Variants in ASXL2 observed in about 807,000 individuals in gnomAD.
ASXL2 encodes putative Polycomb group protein ASXL2.
A neutral mutation model predicts 122.0 loss-of-function variants in ASXL2; 23 were observed. The observed-to-expected ratio is 0.19, with a 90% CI of 0.14 to 0.27. The LOEUF is 0.27. Ranked by LOEUF, ASXL2 falls within the 10% of genes least tolerant of loss-of-function variation. The pLI, the probability that ASXL2 is intolerant of heterozygous loss-of-function variation, is 1.00. For missense variants in ASXL2, 1,518 were observed against 1,713.8 expected, an observed-to-expected ratio of 0.89 and a Z score of 2.02; for synonymous variants, 650 against 637.0, an observed-to-expected ratio of 1.02 and a Z score of -0.31.
intron 1 of ASXL2, among the ~76,000 whole-genome samples, chr2:25,867,520 A>G (rs769144562): frequency 1.3e-5 from 2 of 152,192 alleles, no homozygotes; most frequent in Non-Finnish European, 2.9e-5. Flanking sequence ...ATGCAATGAG[A>G]AAAATGTGAA....
chr2:25,762,483 T>G (rs2088271056), intron 8 of ASXL2, among the ~76,000 whole-genome samples: 1 of 151,572 alleles, frequency 6.6e-6, no homozygotes, highest in Non-Finnish European at 1.5e-5. Context: ...CTGGCCAACA[T>G]GGTGAAAACC....
intron 2 of ASXL2, among the ~76,000 whole-genome samples, chr2:25,842,370 G>A (rs944932802): frequency 1.3e-5 from 2 of 152,092 alleles, no homozygotes; most frequent in South Asian, 2.1e-4. Flanking sequence ...ACTTTCAATT[G>A]TCACTATGTA....
Position 25,749,713 on chromosome 2 carries a change from T to A in ASXL2, c.1843A>T (p.Lys615Ter). 1 of 1,523,610 alleles carries A rather than the reference T, an allele frequency of 6.6e-7. No individual in the cohort carries two copies. Among genetic ancestry groups the A allele is most frequent in the Non-Finnish European group, 8.8e-7 (1 of 1,139,156 alleles). The allele number at this position is 1,523,610 out of a possible 1,614,324, so 94.4% of individuals were successfully genotyped here. A position where few individuals can be genotyped will look rare whatever the true frequency, so the allele number is the denominator to read the frequency against. The change falls in exon 12 of 13, where the codon AAA (lysine) becomes TAA (stop). Residue 615 changes from lysine to a stop codon, truncating the protein, a stop_gained. Transcript: ENST00000435504. LOFTEE classifies it high-confidence loss of function. Reference sequence around the variant, plus strand: ...TCTCTTACCTTGAGAGGTGGTACTTTTCGCACCTGGATTCTGTCCCCTCTA... The same window carrying A: ...TCTCTTACCTTGAGAGGTGGTACTTATCGCACCTGGATTCTGTCCCCTCTA... ...LNRGDRIQVR[K>*]VPPLKIPVSR... is the part of the protein sequence containing the mutation.
intron 5 of ASXL2, 149 bp downstream of exon 5, chr2:25,799,236 A>G (rs1574422363): frequency 1.9e-6 from 2 of 1,025,754 alleles, no homozygotes; most frequent in East Asian, 2.4e-5. Context: ...AAACATCTCC[A>G]TCATTGCAGA....
chr2:25,866,108 A>T (rs1486097173), intron 1 of ASXL2, among the ~76,000 whole-genome samples: 1 of 151,862 alleles, frequency 6.6e-6, no homozygotes, highest in Admixed American at 6.6e-5. Flanking sequence ...TTGTCATTAA[A>T]GCTTAAGACT....
intron 3 of ASXL2, chr2:25,822,968 T>C (rs1320529358): frequency 3.9e-6 from 2 of 506,990 alleles, no homozygotes; most frequent in Non-Finnish European, 7.8e-6. Context: ...TGTCATCACC[T>C]GGATTTTGGG....
At chr2:25,812,821 TCAA>T (rs980170632) in intron 3 of ASXL2, among the ~76,000 whole-genome samples, 18 of 152,208 alleles carry the variant, frequency 1.2e-4, no homozygotes, top group African/African-American at 4.1e-4. Context: ...AGGATAGAAA[TCAA>T]CAACAGCCAT....
intron 2 of ASXL2, among the ~76,000 whole-genome samples, chr2:25,841,912 A>T (rs2089585363): frequency 6.7e-6 from 1 of 150,142 alleles, no homozygotes; most frequent in African/African-American, 2.5e-5. Flanking sequence ...GCGTCACTGC[A>T]CTCCAGCCTG....
intron 5 of ASXL2, among the ~76,000 whole-genome samples, chr2:25,781,966 C>CTTT (rs35973982): frequency 4.9e-5 from 4 of 81,072 alleles, no homozygotes; most frequent in Non-Finnish European, 9.4e-5. Flanking sequence ...GGGCTTTTTT[C>CTTT]TTTTTTTTTT....
intron 1 of ASXL2, among the ~76,000 whole-genome samples, chr2:25,861,157 T>C (rs2089839680): frequency 6.6e-6 from 1 of 151,598 alleles, no homozygotes; most frequent in Non-Finnish European, 1.5e-5. Flanking sequence ...AAGAAATCAA[T>C]ACGAAAAAAC....
rs746930099 is a variant in ASXL2, at chr2:25,878,237, T to A, written c.-15A>T. ...TTTTCCCTCATGTCGGGTCTTGAAC[T>A]GACTGGGAGGCTCCCGTGTCCGGGC... On this transcript the variant is annotated 5_prime_UTR_variant, in exon 1 of 13. Transcript: ENST00000435504. 3.7e-6 allele frequency: 6 copies of A among 1,613,418 alleles called. No homozygotes were observed. In the South Asian group the frequency reaches 6.6e-5, roughly 18 times the overall value.
chr2:25,800,227 G>C (rs1219340123), intron 4 of ASXL2, among the ~76,000 whole-genome samples: 2 of 152,188 alleles, frequency 1.3e-5, no homozygotes, highest in East Asian at 3.9e-4. Flanking sequence ...AACCCAGGAA[G>C]TTTGAGGCTG....
rs772369923 is a variant in ASXL2, at chr2:25,742,129, C to T, written c.4208G>A (p.Arg1403His). The change falls in exon 13 of 13, where the codon CGC (arginine) becomes CAC (histidine). Residue 1403 changes from arginine to histidine, a missense_variant. By Grantham distance (29) the Arg-to-His change is conservative. This residue lies in a region of ASXL2 where 831 missense variants were observed against 833.1 expected (regional missense o/e 1.00). Coordinates refer to ENST00000435504, the MANE Select transcript of ASXL2 (RefSeq NM_018263.6). The stretch of plus-strand genomic sequence containing the variant: ...TTTGCACATGATCATGGCTTTCAAG[C>T]GGCAGTAACATTTCGAAGGCGTGCC... Reference protein sequence around the residue: ...IEGTPSKCYCRLKAMIMCKGC... With the variant: ...IEGTPSKCYCHLKAMIMCKGC... 71 of 1,613,898 alleles carry T rather than the reference C, an allele frequency of 4.4e-5. No individual in the cohort carries two copies. The highest frequency in any genetic ancestry group is 5.8e-5 in the Non-Finnish European group (68 of 1,179,906).
At chr2:25,751,863 C>T (rs1197524792) in intron 11 of ASXL2, among the ~76,000 whole-genome samples, 1 of 152,062 alleles carries the variant, frequency 6.6e-6, no homozygotes, top group Non-Finnish European at 1.5e-5. Flanking sequence ...TCACTGCAAC[C>T]TCCGCCTCCC....
chr2:25,871,996 T>C (rs892336273), intron 1 of ASXL2, among the ~76,000 whole-genome samples: 1 of 152,162 alleles, frequency 6.6e-6, no homozygotes, highest in Admixed American at 6.6e-5. Flanking sequence ...AGAAATAAAT[T>C]ATAGAATTTC....
chr2:25,831,305 A>AC (rs2089448569), intron 3 of ASXL2, among the ~76,000 whole-genome samples: 1 of 151,136 alleles, frequency 6.6e-6, no homozygotes. Context: ...TCCGTCTCAA[A>AC]AAAAAAAAAA....
At chr2:25,777,622 T>C (rs2088569746) in intron 5 of ASXL2, among the ~76,000 whole-genome samples, 1 of 152,124 alleles carries the variant, frequency 6.6e-6, no homozygotes, top group African/African-American at 2.4e-5. Flanking sequence ...TTTAAACTTA[T>C]CTCTGTTGAG....
At chr2:25,823,671 T>G (rs914161908) in intron 3 of ASXL2, among the ~76,000 whole-genome samples, 4 of 152,168 alleles carry the variant, frequency 2.6e-5, no homozygotes, top group Non-Finnish European at 5.9e-5. Context: ...GATTTGTATC[T>G]GCACTGTCAG....
chr2:25,858,694 G>C (rs1264212154), intron 1 of ASXL2, among the ~76,000 whole-genome samples: 1 of 149,466 alleles, frequency 6.7e-6, no homozygotes, highest in East Asian at 2.0e-4. Context: ...CTGTACTCCA[G>C]CCTGGCGACA....
Sources: gnomAD v4.1 joint callset for allele counts (sites outside exome capture counted in the v4.1 genomes callset) on GRCh38, gnomAD v4.1.1 for gene constraint, gnomAD v4.1.1 regional missense constraint, MANE v1.5 for transcripts, NCBI Gene and HGNC (gene_info 2026-07-23, HGNC 2026-07-21) for gene names.